The following NF1 variants were observed in gnomAD, a reference collection of about 807,000 sequenced individuals.
The protein encoded by NF1 is neurofibromin 1.
Under a neutral mutation model 325.7 loss-of-function variants are expected in NF1, and 122 were observed. The observed-to-expected ratio is 0.37, with a 90% CI of 0.32 to 0.44. NF1 has a LOEUF of 0.44. NF1 is among the 20% of genes least tolerant of loss of function. The probability of loss-of-function intolerance (pLI) is 1.00; values close to 1 mark genes in which losing one functional copy is unlikely to be tolerated. For missense variants in NF1, 2,140 were observed against 3,415.4 expected (o/e 0.63, Z 9.31); for synonymous variants, 1,091 against 1,186.0 (o/e 0.92, Z 1.65).
intron 30 of NF1, chr17:31,251,894 A>G (rs1241358976): frequency 3.7e-5 from 8 of 217,328 alleles, no homozygotes; most frequent in Non-Finnish European, 9.2e-6. Context: ...CTTAAAGCCC[A>G]AGTTATGGGT....
chr17:31,350,653 C>T (rs964874673), intron 50 of NF1, among the ~76,000 whole-genome samples: 8 of 152,142 alleles, frequency 5.3e-5, no homozygotes, highest in African/African-American at 1.7e-4. Flanking sequence ...CAACACATTA[C>T]GTGCTTGGAT....
At chr17:31,282,401 T>G (rs912719641) in intron 36 of NF1, among the ~76,000 whole-genome samples, 2 of 145,202 alleles carry the variant, frequency 1.4e-5, no homozygotes, top group Non-Finnish European at 3.0e-5. Context: ...AAAAAAAAAG[T>G]ATACAATTTT....
chr17:31,356,687 T>TAGAAACGTTTGCC, intron 52 of NF1, 105 bp downstream of exon 52: 1 of 1,491,044 alleles, frequency 6.7e-7, no homozygotes, highest in Non-Finnish European at 9.1e-7. Flanking sequence ...GAGTGAAATA[T>TAGAAACGTTTGCC]AGAAACGTTT....
At chr17:31,296,753 T>C in intron 36 of NF1, 1 of 226,220 alleles carries the variant, frequency 4.4e-6, no homozygotes, top group Non-Finnish European at 8.8e-6. Context: ...TCGTGTCTTT[T>C]TTTTTTAATC....
intron 15 of NF1, 22 bp downstream of exon 15, chr17:31,221,951 A>T (rs1413581248): frequency 8.3e-6 from 13 of 1,571,036 alleles, no homozygotes; most frequent in Non-Finnish European, 1.0e-5. Flanking sequence ...TTTATTTTTT[A>T]AATTCAACTT....
Position 31,326,209 on chromosome 17 carries a change from A to G in NF1, c.5225A>G (p.Asn1742Ser), listed in dbSNP as rs745407845. Reference sequence around the variant, plus strand: ...GAAGAGGACCTGAAGGTATTCCACAATGCTCTCAAGCTAGCTCACAAAGAC... The same window carrying G: ...GAAGAGGACCTGAAGGTATTCCACAGTGCTCTCAAGCTAGCTCACAAAGAC... ...ALEEDLKVFH[N>S]ALKLAHKDTK... is the part of the protein sequence containing the mutation. The change falls in exon 37 of 58, where the codon AAT becomes AGT. Residue 1742 changes from asparagine to serine, a missense_variant. Asn to Ser is a conservative substitution (Grantham distance 46). Coordinates refer to ENST00000358273, the MANE Select transcript of NF1 (RefSeq NM_001042492.3). The G allele has an allele frequency of 1.3e-5, 21 of 1,612,732 alleles. No homozygotes were observed. Among genetic ancestry groups the G allele is most frequent in the African/African-American group, 4.0e-5 (3 of 75,036 alleles).
intron 36 of NF1, among the ~76,000 whole-genome samples, chr17:31,312,537 T>G (rs982868765): frequency 1.3e-5 from 2 of 148,656 alleles, no homozygotes; most frequent in Non-Finnish European, 3.0e-5. Flanking sequence ...AAAAAAAAAG[T>G]ATGGGATTCT....
At chr17:31,172,318 A>G (rs569119042) in intron 5 of NF1, among the ~76,000 whole-genome samples, 1 of 151,156 alleles carries the variant, frequency 6.6e-6, no homozygotes, top group South Asian at 2.1e-4. Context: ...TAACAGAGTG[A>G]GATCCTGTCT....
chr17:31,142,012 G>A (rs1916254903), intron 1 of NF1, among the ~76,000 whole-genome samples: 1 of 152,106 alleles, frequency 6.6e-6, no homozygotes, highest in South Asian at 2.1e-4. Flanking sequence ...ATGGTCTAAG[G>A]GGCCTTTTAG....
rs942690461 is a variant in NF1 at position 31,237,846 on chromosome 17, A to G, written c.3974+1825A>G. On this transcript the variant is annotated intron_variant, in intron 29 of 57. Coordinates refer to ENST00000358273, the MANE Select transcript of NF1 (RefSeq NM_001042492.3). ...TACTATACAAAGTGCTGTGGTCCAG[A>G]TAAGAGAACTAGATGGCAAACAATA... 7.2e-5 allele frequency among the ~76,000 whole-genome samples: 11 copies of G among 152,246 alleles called. 1 individual carries two copies. The highest frequency in any genetic ancestry group is 2.6e-4 in the African/African-American group (11 of 41,530).
chr17:31,373,801 C>T (rs1189443265), intron 57 of NF1, among the ~76,000 whole-genome samples: 1 of 152,136 alleles, frequency 6.6e-6, no homozygotes, highest in Non-Finnish European at 1.5e-5. Flanking sequence ...GGTTTGTTGC[C>T]TGGGAGAAAC....
chr17:31,332,512 T>A (rs1006113313), intron 39 of NF1, among the ~76,000 whole-genome samples: 1 of 151,702 alleles, frequency 6.6e-6, no homozygotes, highest in Admixed American at 6.6e-5. Context: ...AATAAAATCC[T>A]TAATCATGAA....
At chr17:31,340,847 C>CAAA (rs1051607259) in intron 47 of NF1, among the ~76,000 whole-genome samples, 3 of 62,586 alleles carry the variant, frequency 4.8e-5, no homozygotes, top group African/African-American at 1.0e-4. Flanking sequence ...ATAAAAATAG[C>CAAA]AAAAAAAAAA....
intron 1 of NF1, among the ~76,000 whole-genome samples, chr17:31,096,115 G>C (rs1911688037): frequency 6.7e-6 from 1 of 149,246 alleles, no homozygotes; most frequent in Non-Finnish European, 1.5e-5. Context: ...CCCCTTCCTT[G>C]ATAATTGCAG....
intron 5 of NF1, among the ~76,000 whole-genome samples, chr17:31,176,762 G>A (rs1241743430): frequency 6.6e-6 from 1 of 152,106 alleles, no homozygotes; most frequent in Non-Finnish European, 1.5e-5. Context: ...TATTAAATAG[G>A]GAATCCTTTC....
In NF1 at chr17:31,375,770, T is replaced by G. The variant is rs1428357377; in HGVS notation, c.*1615T>G. 4.3e-6 allele frequency: 1 copy of G among 232,466 alleles called. No homozygotes were observed. The highest frequency in any genetic ancestry group is 8.5e-6 in the Non-Finnish European group (1 of 117,416). The allele number at this position is 232,466 out of a possible 1,614,324, so 14.4% of individuals were successfully genotyped here. On this transcript the variant is annotated 3_prime_UTR_variant, in exon 58 of 58. Transcript: ENST00000358273. ...CTGATTTTAATAATATATTTCACATTTATCCACACAGTAACAATGTAATAT... is the reference window on the plus strand; with the variant it reads ...CTGATTTTAATAATATATTTCACATGTATCCACACAGTAACAATGTAATAT...
chr17:31,219,677 C>A (rs2066888953), intron 14 of NF1, among the ~76,000 whole-genome samples: 1 of 143,790 alleles, frequency 7.0e-6, no homozygotes, highest in Admixed American at 7.4e-5. Flanking sequence ...GCAACTATAG[C>A]TACTCTCTAA....
chr17:31,214,910 G>A (rs2066794282), intron 13 of NF1, among the ~76,000 whole-genome samples: 1 of 151,888 alleles, frequency 6.6e-6, no homozygotes, highest in African/African-American at 2.4e-5. Context: ...TCCTGGTATG[G>A]GGGATAGAAG....
intron 1 of NF1, among the ~76,000 whole-genome samples, chr17:31,096,592 A>G (rs1231028729): frequency 1.3e-5 from 2 of 152,042 alleles, no homozygotes; most frequent in Admixed American, 6.6e-5. Flanking sequence ...GATTGAGTCA[A>G]CCTATTTTGT....
Sources: gnomAD v4.1 joint callset for allele counts (sites outside exome capture counted in the v4.1 genomes callset) on GRCh38, gnomAD v4.1.1 for gene constraint, MANE v1.5 for transcripts, NCBI Gene and HGNC (gene_info 2026-07-23, HGNC 2026-07-21) for gene names.